The following STAR variants were observed in gnomAD, a reference collection of about 807,000 sequenced individuals.
STAR encodes steroidogenic acute regulatory protein, also known as steroidogenic acute regulatory protein, mitochondrial.
Under a neutral mutation model 32.3 loss-of-function variants are expected in STAR, and 32 were observed. The ratio of observed to expected loss-of-function variants is 0.99; its 90% CI spans 0.75 to 1.33. STAR has a LOEUF of 1.33. Ranked by LOEUF, STAR falls within the 40% of genes most tolerant of loss-of-function variation. STAR has a pLI of 0.00. For missense variants in STAR, 375 were observed against 379.0 expected (o/e 0.99, Z 0.09); for synonymous variants, 134 against 140.5 (o/e 0.95, Z 0.33).
At chr8:38,145,527 T>A (rs1414100126) in intron 5 of STAR, 2 of 657,060 alleles carry the variant, frequency 3.0e-6, no homozygotes, top group African/African-American at 1.8e-5. Context: ...GAGCAGCCCC[T>A]GCGGCCTCTT....
At chr8:38,149,284 A>G (rs1288378843) in intron 1 of STAR, among the ~76,000 whole-genome samples, 1 of 152,290 alleles carries the variant, frequency 6.6e-6, no homozygotes, top group Middle Eastern at 3.4e-3. Flanking sequence ...AGTGAGGACG[A>G]CAACACCACT....
chr8:38,144,150 G>T lies in STAR; in HGVS notation c.*123C>A. 9.6e-7 allele frequency: 1 copy of T among 1,041,222 alleles called. No homozygotes were observed. The highest frequency in any genetic ancestry group is 2.6e-5 in the East Asian group (1 of 37,754). 64.5% of individuals were successfully genotyped at this position (1,041,222 alleles called of 1,614,324 possible). Reference sequence around the variant, plus strand: ...AATCCTAGTGTCATACTCTAAACACGAACCCCACCCATCCCACTGTCACCA... The same window carrying T: ...AATCCTAGTGTCATACTCTAAACACTAACCCCACCCATCCCACTGTCACCA... On this transcript the variant is annotated 3_prime_UTR_variant, in exon 7 of 7. Transcript: ENST00000276449.
At position 38,150,741 on chromosome 8, in the gene STAR, C is replaced by T. The variant is rs868065577; in HGVS notation, c.64+14G>A. The T allele has an allele frequency of 1.2e-6, 2 of 1,606,170 alleles. No individual in the cohort carries two copies. Among genetic ancestry groups the T allele is most frequent in the Admixed American group, 1.7e-5 (1 of 60,012 alleles). ...CTGGCCAACCCCTCATCGCCTCCTT[C>T]CCGCAGCGCTCACCCTTCATGTTGC... is the stretch of plus-strand genomic sequence containing the variant. On this transcript the variant is annotated intron_variant, in intron 1 of 6. Transcript: ENST00000276449.
At chr8:38,147,503 T>C (rs1159155153) in intron 3 of STAR, among the ~76,000 whole-genome samples, 1 of 152,214 alleles carries the variant, frequency 6.6e-6, no homozygotes, top group Non-Finnish European at 1.5e-5. Flanking sequence ...AGAAGGTCAG[T>C]GATTGGCCCA....
At chr8:38,149,015 G>C in intron 1 of STAR, 1 of 503,294 alleles carries the variant, frequency 2.0e-6, no homozygotes, top group Non-Finnish European at 3.6e-6. Flanking sequence ...ACCAGAGCCT[G>C]CTGGAGTTTC....
In STAR at chr8:38,145,166, G is replaced by A. The variant is rs1162079385; in HGVS notation, c.744+56C>T. On this transcript the variant is annotated intron_variant, in intron 6 of 6. Coordinates refer to ENST00000276449, the MANE Select transcript of STAR (RefSeq NM_000349.3). ...TTCTGCAGCATGGGGGGAATGGGAA[G>A]AGCCTGTTTTTCTCACTACCACCTG... 3.1e-6 allele frequency: 5 copies of A among 1,612,902 alleles called. No homozygotes were observed. The African/African-American group carries it at 6.7e-5, about 22-fold the overall frequency.
chr8:38,146,673 G>A (rs1382418808), intron 3 of STAR, among the ~76,000 whole-genome samples: 2 of 152,038 alleles, frequency 1.3e-5, no homozygotes, highest in African/African-American at 2.4e-5. Context: ...TACTTGGGAA[G>A]CTGAGGCAGG....
In STAR at chr8:38,150,840, G is replaced by A. The variant is rs1802655691; in HGVS notation, c.-22C>T. On this transcript the variant is annotated 5_prime_UTR_variant, in exon 1 of 7. Transcript: ENST00000276449. ...GCATTGTTTCCTGGCAAATGTGGCA[G>A]TGGTGGGGTCGCTGCCGCTGCTGCT... 1 of 1,603,228 alleles carries A rather than the reference G, an allele frequency of 6.2e-7. No individual in the cohort carries two copies. The highest frequency in any genetic ancestry group is 1.1e-5 in the South Asian group (1 of 91,006).
At position 38,143,069 on chromosome 8, in the gene STAR, C is replaced by A. The variant is rs1802494756; in HGVS notation, c.*1204G>T. The stretch of plus-strand genomic sequence containing the variant: ...AATTAGGTAAATAAACAGTTATAAT[C>A]TTCATCTTCCAGGGCCCATTAATCA... On this transcript the variant is annotated 3_prime_UTR_variant, in exon 7 of 7. Coordinates refer to ENST00000276449, the MANE Select transcript of STAR (RefSeq NM_000349.3). Among the ~76,000 whole-genome samples the A allele has an allele frequency of 6.6e-6, 1 of 151,992 alleles. No homozygotes were observed. Among genetic ancestry groups the A allele is most frequent in the African/African-American group, 2.4e-5 (1 of 41,368 alleles).
intron 5 of STAR, 104 bp downstream of exon 5, chr8:38,145,859 C>T: frequency 2.8e-6 from 4 of 1,443,790 alleles, no homozygotes; most frequent in Admixed American, 1.7e-5. Flanking sequence ...ATGGGTGCAC[C>T]AAGGGTTGGT....
intron 4 of STAR, 56 bp downstream of exon 4, chr8:38,146,233 A>G: frequency 6.2e-7 from 1 of 1,613,706 alleles, no homozygotes; most frequent in Non-Finnish European, 8.5e-7. Context: ...TCTTTGATAC[A>G]GCATTCACAC....
rs1381737667 is a variant in STAR, at chr8:38,148,308, A to T, written c.198T>A (p.Thr66=). ...AGGCCAGCTCCTGGTCACTGTAGAG[A>T]GTCTCTTCCAGCCGAGAACCTGGAT... ...SSLLGSRLEE[T]LYSDQELAYL... is the part of the protein sequence containing the mutation. Residue 66 remains threonine (T), a synonymous_variant, in exon 3 of 7, where the codon ACT becomes ACA. Transcript: ENST00000276449. The T allele has an allele frequency of 6.2e-7, 1 of 1,613,800 alleles. No individual in the cohort carries two copies. The highest frequency in any genetic ancestry group is 8.5e-7 in the Non-Finnish European group (1 of 1,179,968).
intron 1 of STAR, 151 bp downstream of exon 1, chr8:38,150,604 T>A: frequency 8.0e-7 from 1 of 1,248,164 alleles, no homozygotes; most frequent in Non-Finnish European, 1.1e-6. Flanking sequence ...CCAGCCCACT[T>A]CTTCCGAGGG....
In STAR at chr8:38,146,980, T is replaced by A. The variant is rs1306238588; in HGVS notation, c.307-533A>T. Among the ~76,000 whole-genome samples the A allele has an allele frequency of 2.0e-5, 3 of 151,208 alleles. No individual in the cohort carries two copies. In the East Asian group the frequency reaches 5.8e-4, roughly 29 times the overall value. ...TTACCTGCTGCCACTGGACCCTTTT[T>A]AAGATTTTTTTCTTGTTTTTTTTTT... On this transcript the variant is annotated intron_variant, in intron 3 of 6. Transcript: ENST00000276449.
intron 5 of STAR, 107 bp from the exon 6 acceptor site, chr8:38,145,422 T>A: frequency 6.7e-7 from 1 of 1,488,060 alleles, no homozygotes. Flanking sequence ...CCTTGTCTTT[T>A]CTGAGTCTCA....
chr8:38,148,586 C>G, intron 2 of STAR, 55 bp downstream of exon 2: 1 of 1,537,594 alleles, frequency 6.5e-7, no homozygotes, highest in Admixed American at 1.7e-5. Flanking sequence ...ACCACATCAC[C>G]CTCCAGGGAA....
chr8:38,148,294 T>C lies in STAR; in HGVS notation c.212A>G (p.Gln71Arg). ...CCCCTGCTGGAGATAGGCCAGCTCC[T>C]GGTCACTGTAGAGAGTCTCTTCCAG... Reference protein sequence around the residue: ...SRLEETLYSDQELAYLQQGEE... With the variant: ...SRLEETLYSDRELAYLQQGEE... The change falls in exon 3 of 7, where the codon CAG (glutamine) becomes CGG (arginine). Residue 71 changes from glutamine (Q) to arginine (R), a missense_variant. Coordinates refer to ENST00000276449, the MANE Select transcript of STAR (RefSeq NM_000349.3). The C allele has an allele frequency of 6.2e-7, 1 of 1,614,122 alleles. No homozygotes were observed. The highest frequency in any genetic ancestry group is 8.5e-7 in the Non-Finnish European group (1 of 1,180,004).
Position 38,148,750 on chromosome 8 carries a change from C to G in STAR, c.69G>C (p.Leu23=). Residue 23 remains leucine (L), a synonymous_variant, in exon 2 of 7, where the codon CTG becomes CTC. Transcript: ENST00000276449. ...SYRHMRNMKG[L]RQQAVMAISQ... is the part of the protein sequence containing the mutation. ...TGATGGCCATCACAGCCTGTTGCCTCAGCCCTGCAGAAGGGAATAACCCTT... is the reference window on the plus strand; with the variant it reads ...TGATGGCCATCACAGCCTGTTGCCTGAGCCCTGCAGAAGGGAATAACCCTT... 1 of 1,613,390 alleles carries G rather than the reference C, an allele frequency of 6.2e-7. No individual in the cohort carries two copies. Among genetic ancestry groups the G allele is most frequent in the South Asian group, 1.1e-5 (1 of 91,082 alleles).
intron 1 of STAR, among the ~76,000 whole-genome samples, 156 bp downstream of exon 1, chr8:38,150,599 C>T (rs1333162859): frequency 6.6e-6 from 1 of 152,016 alleles, no homozygotes; most frequent in East Asian, 1.9e-4. Flanking sequence ...AGTAACCAGC[C>T]CACTTCTTCC....
Sources: gnomAD v4.1 joint callset for allele counts (sites outside exome capture counted in the v4.1 genomes callset) on GRCh38, gnomAD v4.1.1 for gene constraint, MANE v1.5 for transcripts, NCBI Gene and HGNC (gene_info 2026-07-23, HGNC 2026-07-21) for gene names.